Variants in DNAH5 observed in about 807,000 individuals in gnomAD.
DNAH5 encodes dynein axonemal heavy chain 5.
In DNAH5, 372 loss-of-function variants were observed where a neutral mutation model predicts 518.2. The ratio of observed to expected loss-of-function variants is 0.72; its 90% CI spans 0.66 to 0.78. The LOEUF (loss-of-function observed/expected upper bound fraction) is 0.78. DNAH5 is among the 30% of genes least tolerant of loss of function. The pLI is 0.00. For missense variants in DNAH5, 5,523 were observed against 5,687.0 expected (o/e 0.97, Z 0.93); for synonymous variants, 2,039 against 2,025.9 (o/e 1.01, Z -0.17).
intron 1 of DNAH5, among the ~76,000 whole-genome samples, chr5:13,994,972 G>A (rs573704144): frequency 4.9e-4 from 75 of 152,304 alleles, no homozygotes; most frequent in Non-Finnish European, 7.8e-4. Flanking sequence ...CAGAAGACCC[G>A]TTCCAGGAGT....
chr5:13,763,342 A>G (rs1043112655), intron 59 of DNAH5, among the ~76,000 whole-genome samples: 2 of 152,236 alleles, frequency 1.3e-5, no homozygotes, highest in Non-Finnish European at 2.9e-5. Context: ...TTTATCAGCA[A>G]CTAAACGCTT....
intron 1 of DNAH5, among the ~76,000 whole-genome samples, chr5:13,931,548 C>T (rs1164592733): frequency 6.6e-6 from 1 of 152,158 alleles, no homozygotes; most frequent in African/African-American, 2.4e-5. Flanking sequence ...TATTTCTATG[C>T]ATATATAAGC....
chr5:13,991,785 G>A (rs1229807960), intron 1 of DNAH5, among the ~76,000 whole-genome samples: 2 of 152,158 alleles, frequency 1.3e-5, no homozygotes, highest in Non-Finnish European at 2.9e-5. Context: ...AACCCATGTA[G>A]CCTAAAAACG....
intron 51 of DNAH5, among the ~76,000 whole-genome samples, chr5:13,787,045 C>T (rs539490167): frequency 6.6e-6 from 1 of 151,970 alleles, no homozygotes; most frequent in Non-Finnish European, 1.5e-5. Flanking sequence ...CATGGTGAAA[C>T]CCCATCTCTA....
At chr5:13,989,144 G>C (rs905613887) in intron 1 of DNAH5, among the ~76,000 whole-genome samples, 1 of 152,130 alleles carries the variant, frequency 6.6e-6, no homozygotes, top group Non-Finnish European at 1.5e-5. Context: ...AGTGGGGAAT[G>C]GGTTGCTTGC....
chr5:13,896,359 T>C (rs1053641391), intron 15 of DNAH5, among the ~76,000 whole-genome samples: 2 of 152,062 alleles, frequency 1.3e-5, no homozygotes. Flanking sequence ...CCTGACTGTC[T>C]TCCTTTCTGG....
intron 70 of DNAH5, among the ~76,000 whole-genome samples, chr5:13,722,265 C>G (rs183448531): frequency 6.6e-6 from 1 of 152,324 alleles, no homozygotes; most frequent in East Asian, 1.9e-4. Context: ...CTGGTTCAGT[C>G]ATTATCCTTG....
chr5:13,755,412 T>C (rs776471923), intron 61 of DNAH5, among the ~76,000 whole-genome samples: 29 of 152,184 alleles, frequency 1.9e-4, no homozygotes, highest in Non-Finnish European at 4.0e-4. Flanking sequence ...TGTTAAAAAT[T>C]CGATTTATAA....
intron 37 of DNAH5, 106 bp from the exon 38 acceptor site, chr5:13,829,810 G>A: frequency 8.0e-7 from 1 of 1,249,510 alleles, no homozygotes; most frequent in Non-Finnish European, 1.2e-6. Flanking sequence ...ATGACAACCA[G>A]GGAACTCATT....
intron 7 of DNAH5, among the ~76,000 whole-genome samples, chr5:13,918,694 T>C (rs975964862): frequency 2.0e-5 from 3 of 152,120 alleles, no homozygotes. Context: ...GGTCTCAAAC[T>C]CCTGACCTTG....
chr5:13,696,363 T>C (rs559745869), intron 78 of DNAH5, among the ~76,000 whole-genome samples: 1 of 152,338 alleles, frequency 6.6e-6, no homozygotes, highest in South Asian at 2.1e-4. Flanking sequence ...ACAGTGTGTG[T>C]GTGGCTTTAC....
chr5:13,769,742 C>T (rs1050545537), intron 56 of DNAH5, 127 bp from the exon 57 acceptor site: 3 of 810,424 alleles, frequency 3.7e-6, no homozygotes, highest in Non-Finnish European at 6.3e-6. Flanking sequence ...GTAGCAAACC[C>T]AAGAGGGCTT....
chr5:13,719,193 T>C, intron 71 of DNAH5, 92 bp from the exon 72 acceptor site: 1 of 1,051,920 alleles, frequency 9.5e-7, no homozygotes, highest in Non-Finnish European at 1.4e-6. Context: ...AATTAAAATT[T>C]AATAGGAAAA....
At chr5:13,704,344 C>T (rs1383775249) in intron 76 of DNAH5, among the ~76,000 whole-genome samples, 3 of 152,200 alleles carry the variant, frequency 2.0e-5, no homozygotes, top group East Asian at 1.9e-4. Flanking sequence ...TGCACACTCT[C>T]GCTTCACAGG....
intron 1 of DNAH5, among the ~76,000 whole-genome samples, chr5:13,962,464 A>G (rs114683040): frequency 0.026 from 4,014 of 152,318 alleles, 60 homozygotes; most frequent in South Asian, 0.057. Flanking sequence ...AGGAACCAAA[A>G]AAAACAGTCT....
intron 19 of DNAH5, 99 bp from the exon 20 acceptor site, chr5:13,883,193 T>C (rs377405582): frequency 5.1e-6 from 6 of 1,184,726 alleles, no homozygotes; most frequent in South Asian, 1.3e-5. Flanking sequence ...ATAATAGGTA[T>C]AAAATCTAAT....
chr5:13,778,143 T>A (rs1048599246), intron 53 of DNAH5, among the ~76,000 whole-genome samples: 1 of 152,156 alleles, frequency 6.6e-6, no homozygotes, highest in Non-Finnish European at 1.5e-5. Context: ...TCTGATTTTT[T>A]AAAAACTAGT....
At chr5:13,695,023 CT>C (rs1741174990) in intron 78 of DNAH5, among the ~76,000 whole-genome samples, 10 of 152,180 alleles carry the variant, frequency 6.6e-5, no homozygotes, top group African/African-American at 2.4e-4. Context: ...ATAGTGATAA[CT>C]GAGAATGAAA....
At chr5:13,864,330 A>G (rs1768906117) in intron 28 of DNAH5, 67 bp downstream of exon 28, 3 of 1,597,860 alleles carry the variant, frequency 1.9e-6, no homozygotes, top group South Asian at 2.2e-5. Flanking sequence ...CCAATATTCC[A>G]TAATATAGAA....
Sources: gnomAD v4.1 joint callset for allele counts (sites outside exome capture counted in the v4.1 genomes callset) on GRCh38, gnomAD v4.1.1 for gene constraint, MANE v1.5 for transcripts, NCBI Gene and HGNC (gene_info 2026-07-23, HGNC 2026-07-21) for gene names.